CCDC141: variants seen among roughly 807,000 people sequenced by gnomAD.
CCDC141 encodes the protein coiled-coil domain containing 141.
A neutral mutation model predicts 181.0 loss-of-function variants in CCDC141; 168 were observed. The observed-to-expected ratio is 0.93, with a 90% CI of 0.82 to 1.05. The LOEUF (loss-of-function observed/expected upper bound fraction) is 1.05. Among genes scored for constraint, CCDC141 ranks in the 50% least tolerant of loss-of-function variants. The pLI is 0.00. For missense variants in CCDC141, 1,902 were observed against 1,788.5 expected (o/e 1.06, Z -1.14); for synonymous variants, 666 against 642.3 (o/e 1.04, Z -0.56).
chr2:178,913,986 A>G (rs1274087277), intron 7 of CCDC141, among the ~76,000 whole-genome samples: 2 of 152,202 alleles, frequency 1.3e-5, no homozygotes, highest in Admixed American at 6.5e-5. Context: ...AACATATTGT[A>G]TATTTATCTC....
intron 6 of CCDC141, chr2:178,926,747 C>T (rs1688921692): frequency 6.6e-6 from 1 of 152,068 alleles, no homozygotes; most frequent in African/African-American, 2.4e-5. Flanking sequence ...TGTAGGATGA[C>T]CATAATATAT....
intron 7 of CCDC141, among the ~76,000 whole-genome samples, chr2:178,906,362 T>C (rs552162883): frequency 6.6e-6 from 1 of 152,216 alleles, no homozygotes; most frequent in African/African-American, 2.4e-5. Context: ...GAAAGAATAC[T>C]GTGGGTATAT....
rs974100829 is a variant in CCDC141, at chr2:178,829,818, C to G, written c.*4355G>C. 6.6e-6 allele frequency: 1 copy of G among 152,160 alleles called. No homozygotes were observed. The highest frequency in any genetic ancestry group is 1.5e-5 in the Non-Finnish European group (1 of 68,034). 9.4% of individuals were successfully genotyped at this position (152,160 alleles called of 1,614,324 possible). A position where few individuals can be genotyped will look rare whatever the true frequency, so the allele number is the denominator to read the frequency against. ...TTATTTCATGGCTGCACTTAAAATG[C>G]TGTGCATACAACAGGAGTTTCAAAA... On this transcript the variant is annotated 3_prime_UTR_variant, in exon 24 of 24. Transcript: ENST00000443758.
At chr2:178,962,614 TTTTCCTTC>T (rs1690455040) in intron 4 of CCDC141, among the ~76,000 whole-genome samples, 1 of 146,108 alleles carries the variant, frequency 6.8e-6, no homozygotes. Flanking sequence ...CTTTTCTTTC[TTTTCCTTC>T]TTTCCTTCTT....
chr2:178,959,756 A>T (rs916012229), intron 5 of CCDC141, among the ~76,000 whole-genome samples: 2 of 152,198 alleles, frequency 1.3e-5, no homozygotes. Context: ...TTAGAAGGGA[A>T]TGGCAACAAA....
downstream of CCDC141, among the ~76,000 whole-genome samples, chr2:178,827,002 A>C (rs533829788): frequency 1.3e-5 from 2 of 152,074 alleles, no homozygotes; most frequent in African/African-American, 4.8e-5. Flanking sequence ...AATGCTATAC[A>C]TTTTCCTCTA....
At chr2:178,986,926 C>A (rs1358849809) in intron 2 of CCDC141, among the ~76,000 whole-genome samples, 1 of 152,052 alleles carries the variant, frequency 6.6e-6, no homozygotes, top group Non-Finnish European at 1.5e-5. Context: ...CCATCCCCAT[C>A]AAGCTACAAA....
intron 22 of CCDC141, among the ~76,000 whole-genome samples, chr2:178,839,060 C>A (rs1353087665): frequency 6.6e-6 from 1 of 152,116 alleles, no homozygotes; most frequent in Non-Finnish European, 1.5e-5. Context: ...CTTGCCTTGC[C>A]TTTGAGTTTT....
rs59015092 is a variant in CCDC141, at chr2:178,920,695, T to TACACAC, written c.898-1794_898-1789dup. 5.8e-3 allele frequency among the ~76,000 whole-genome samples: 858 copies of TACACAC among 146,762 alleles called. 7 individuals carry two copies. The highest frequency in any genetic ancestry group is 0.021 in the East Asian group (103 of 4,990). On this transcript the variant is annotated intron_variant, in intron 6 of 23. Transcript: ENST00000443758. ...ATTGTGATCATGTCACTGAACTCCA[T>TACACAC]ACACACACACACACACACACACACA...
At position 178,833,221 on chromosome 2, in the gene CCDC141, C is replaced by G. The variant is rs938645917; in HGVS notation, c.*952G>C. On this transcript the variant is annotated 3_prime_UTR_variant, in exon 24 of 24. Transcript: ENST00000443758. ...AAGAAATAGTGAGCAGGAGGCCGGTCTGATGACAAATTACATTAAACAATA... is the reference window on the plus strand; with the variant it reads ...AAGAAATAGTGAGCAGGAGGCCGGTGTGATGACAAATTACATTAAACAATA... 3 of 152,126 alleles carry G rather than the reference C, an allele frequency of 2.0e-5. No homozygotes were observed. Among genetic ancestry groups the G allele is most frequent in the Admixed American group, 1.3e-4 (2 of 15,262 alleles). The allele number at this position is 152,126 out of a possible 1,614,324, so 9.4% of individuals were successfully genotyped here. A position where few individuals can be genotyped will look rare whatever the true frequency, so the allele number is the denominator to read the frequency against.
chr2:178,977,813 C>A (rs1219447267), intron 3 of CCDC141, among the ~76,000 whole-genome samples: 1 of 152,088 alleles, frequency 6.6e-6, no homozygotes, highest in Non-Finnish European at 1.5e-5. Context: ...CTGTCTTATA[C>A]CAAATATAAC....
the CCDC141 span, chr2:178,817,476 T>C: frequency 2.1e-6 from 1 of 470,496 alleles, no homozygotes; most frequent in Admixed American, 2.4e-5. Context: ...CATAGAGTTA[T>C]GAAACACAAT....
chr2:179,039,639 CTTT>C (rs1380436683), intron 2 of CCDC141, among the ~76,000 whole-genome samples: 2 of 152,166 alleles, frequency 1.3e-5, no homozygotes, highest in African/African-American at 4.8e-5. Flanking sequence ...TCACAGCATT[CTTT>C]ATGATTAGAA....
rs149628443 is a variant in CCDC141 at position 178,837,452 on chromosome 2, C to T, written c.3767G>A (p.Ser1256Asn). 31 of 1,614,088 alleles carry T rather than the reference C, an allele frequency of 1.9e-5. No homozygotes were observed. Among genetic ancestry groups the T allele is most frequent in the African/African-American group, 1.7e-4 (13 of 75,060 alleles). ...ISSYGVQAGT[S>N]SPGDAQESVL... ...AGATTCCTGGGCATCCCCTGGGCTG[C>T]TGGTCCCAGCCTGCACCCCATAGCT... is the stretch of plus-strand genomic sequence containing the variant. The change falls in exon 23 of 24, where the codon AGC becomes AAC. Residue 1256 changes from serine (S) to asparagine (N), a missense_variant. Coordinates refer to ENST00000443758, the MANE Select transcript of CCDC141 (RefSeq NM_173648.4).
At chr2:178,881,226 A>G (rs1250571459) in intron 11 of CCDC141, among the ~76,000 whole-genome samples, 1 of 152,240 alleles carries the variant, frequency 6.6e-6, no homozygotes, top group African/African-American at 2.4e-5. Flanking sequence ...CTAGAGGCAC[A>G]GAAAGTAGTC....
At chr2:178,854,851 C>T (rs908028164) in intron 19 of CCDC141, among the ~76,000 whole-genome samples, 1 of 152,106 alleles carries the variant, frequency 6.6e-6, no homozygotes, top group Admixed American at 6.6e-5. Context: ...CTTTAACTTG[C>T]CAAATTTCAT....
At chr2:178,979,427 A>G (rs1432710326) in intron 2 of CCDC141, among the ~76,000 whole-genome samples, 2 of 152,302 alleles carry the variant, frequency 1.3e-5, no homozygotes, top group Non-Finnish European at 2.9e-5. Flanking sequence ...AAACAAAAGA[A>G]ATAAGAGCAG....
At chr2:179,021,041 A>G (rs2042678290) in intron 2 of CCDC141, among the ~76,000 whole-genome samples, 1 of 152,228 alleles carries the variant, frequency 6.6e-6, no homozygotes, top group African/African-American at 2.4e-5. Flanking sequence ...CTTCCATAAA[A>G]GTTAGTAACT....
At chr2:178,854,681 A>AAG (rs1685308464) in intron 19 of CCDC141, among the ~76,000 whole-genome samples, 1 of 152,212 alleles carries the variant, frequency 6.6e-6, no homozygotes, top group South Asian at 2.1e-4. Flanking sequence ...TCATATGTAG[A>AAG]AGACTGATCA....
Sources: gnomAD v4.1 joint callset for allele counts (sites outside exome capture counted in the v4.1 genomes callset) on GRCh38, gnomAD v4.1.1 for gene constraint, MANE v1.5 for transcripts, NCBI Gene and HGNC (gene_info 2026-07-23, HGNC 2026-07-21) for gene names.